The following PDCD4 variants were observed in gnomAD, a reference collection of about 807,000 sequenced individuals.
PDCD4 encodes programmed cell death 4, also known as programmed cell death protein 4.
A neutral mutation model predicts 54.0 loss-of-function variants in PDCD4; 56 were observed. The observed-to-expected ratio is 1.04, with a 90% CI of 0.84 to 1.30. The LOEUF is 1.30. PDCD4 is among the 50% of genes most tolerant of loss of function. PDCD4 has a pLI of 0.00. For synonymous variants in PDCD4, 186 were observed against 194.8 expected, an observed-to-expected ratio of 0.95 and a Z score of 0.37; for missense variants, 584 against 559.8, an observed-to-expected ratio of 1.04 and a Z score of -0.44.
chr10:110,876,648 T>A (rs1363116937), intron 2 of PDCD4: 1 of 781,674 alleles, frequency 1.3e-6, no homozygotes, highest in Non-Finnish European at 1.8e-6. Flanking sequence ...AACAAATAAT[T>A]TTTATATTCT....
rs1044159171 is a variant in PDCD4, at chr10:110,881,604, A to G, written c.346+69A>G. 2.9e-5 allele frequency: 37 copies of G among 1,274,010 alleles called. No homozygotes were observed. In the Middle Eastern group the frequency reaches 5.9e-4, roughly 20 times the overall value. The allele number at this position is 1,274,010 out of a possible 1,614,324, so 78.9% of individuals were successfully genotyped here. On this transcript the variant is annotated intron_variant, in intron 3 of 11. Transcript: ENST00000280154. ...AAAAAAATTGTCTGGTTCTTGTACT[A>G]CACTTTCCTTGTTCTAGGAATGAGA...
chr10:110,883,048 A>C lies in PDCD4; in HGVS notation c.392A>C (p.Tyr131Ser). 1 of 1,600,950 alleles carries C rather than the reference A, an allele frequency of 6.2e-7. No homozygotes were observed. The highest frequency in any genetic ancestry group is 8.5e-7 in the Non-Finnish European group (1 of 1,175,076). Residue 131 changes from tyrosine (Y) to serine (S), a missense_variant, in exon 4 of 12, where the codon TAT (tyrosine) becomes TCT (serine). Physicochemically the swap from Tyr to Ser is moderately radical, Grantham distance 144. Coordinates refer to ENST00000280154, the MANE Select transcript of PDCD4 (RefSeq NM_014456.5). Reference protein sequence around the residue: ...KGVWGTPGQVYDVEEVDVKDP... With the variant: ...KGVWGTPGQVSDVEEVDVKDP... ...GTCTGGGGTACACCTGGACAGGTGT[A>C]TGATGTGGAGGAGGTGGATGTGAAA...
At position 110,890,632 on chromosome 10, in the gene PDCD4, G is replaced by C; in HGVS notation, c.952G>C (p.Gly318Arg). The change falls in exon 8 of 12, where the codon GGA (glycine) becomes CGA (arginine). Residue 318 changes from glycine (G) to arginine (R), a missense_variant. Transcript: ENST00000280154. ...GKRKDSVWGSGGGQQSVNHLV... is the reference protein window; with the variant it reads ...GKRKDSVWGSRGGQQSVNHLV... ...GCGTAAAGATAGTGTGTGGGGCTCT[G>C]GAGGTGGGCAGCAATCTGTCAATCA... 4.3e-6 allele frequency: 7 copies of C among 1,612,868 alleles called. No homozygotes were observed. The highest frequency in any genetic ancestry group is 5.9e-6 in the Non-Finnish European group (7 of 1,179,118).
rs201259173 is a variant in PDCD4, at chr10:110,876,004, C to G, written c.-24C>G. On this transcript the variant is annotated 5_prime_UTR_variant, in exon 2 of 12. It adds an upstream start codon to the 5' untranslated region. Coordinates refer to ENST00000280154, the MANE Select transcript of PDCD4 (RefSeq NM_014456.5). ...ATTTCCATTAGGTAATTTGTTTAAT[C>G]AGTGCAAGCGAAATTAAGGGAAAAT... 34 of 1,573,270 alleles carry G rather than the reference C, an allele frequency of 2.2e-5. No homozygotes were observed. Among genetic ancestry groups the G allele is most frequent in the Non-Finnish European group, 2.6e-5 (30 of 1,153,980 alleles).
Position 110,894,538 on chromosome 10 carries a change from T to G in PDCD4, c.1209+16T>G, listed in dbSNP as rs1845802527. ...AATGAAAAGAGTAAGTATAACATTG[T>G]TTTTGAACAACTTGTAGGATTATGT... On this transcript the variant is annotated intron_variant, in intron 10 of 11. Coordinates refer to ENST00000280154, the MANE Select transcript of PDCD4 (RefSeq NM_014456.5). 6 of 1,049,156 alleles carry G rather than the reference T, an allele frequency of 5.7e-6. No homozygotes were observed. In the East Asian group the frequency reaches 1.4e-4, roughly 25 times the overall value. 65.0% of individuals were successfully genotyped at this position (1,049,156 alleles called of 1,614,324 possible).
intron 8 of PDCD4, 150 bp downstream of exon 8, chr10:110,890,820 C>T (rs1845743920): frequency 4.6e-6 from 2 of 431,072 alleles, no homozygotes; most frequent in African/African-American, 2.0e-5. Flanking sequence ...TAATATGTGG[C>T]TTTATAACCT....
chr10:110,886,229 G>A (rs1267544255), intron 5 of PDCD4, among the ~76,000 whole-genome samples: 1 of 152,154 alleles, frequency 6.6e-6, no homozygotes, highest in African/African-American at 2.4e-5. Context: ...AGTCCTATGA[G>A]GGCAGGGACT....
intron 1 of PDCD4, among the ~76,000 whole-genome samples, chr10:110,873,511 A>G (rs544576184): frequency 2.0e-5 from 3 of 152,338 alleles, no homozygotes; most frequent in East Asian, 1.9e-4. Context: ...TTCTGATTGT[A>G]TATTTCGTGT....
chr10:110,873,984 T>C (rs142693083), intron 1 of PDCD4, among the ~76,000 whole-genome samples: 337 of 152,326 alleles, frequency 2.2e-3, no homozygotes, highest in African/African-American at 7.8e-3. Flanking sequence ...ACAGCAGAAG[T>C]CTGTTTTAAG....
intron 8 of PDCD4, among the ~76,000 whole-genome samples, chr10:110,891,651 T>C (rs572222705): frequency 6.6e-6 from 1 of 152,210 alleles, no homozygotes; most frequent in East Asian, 1.9e-4. Flanking sequence ...GTAAGTCTTT[T>C]AATGAGGTGT....
chr10:110,875,835 T>C (rs368360540), intron 1 of PDCD4, 131 bp from the exon 2 acceptor site: 12 of 437,912 alleles, frequency 2.7e-5, no homozygotes, highest in African/African-American at 2.3e-4. Context: ...GTGAACTGTT[T>C]TATTTAATGG....
Position 110,894,122 on chromosome 10 carries a change from C to T in PDCD4, c.1022C>T (p.Ser341Phe), listed in dbSNP as rs1261901307. The change falls in exon 9 of 12, where the codon TCT (serine) becomes TTT (phenylalanine). Residue 341 changes from serine to phenylalanine, a missense_variant. Physicochemically the swap from Ser to Phe is radical, Grantham distance 155. Transcript: ENST00000280154. ...ATGCTGCTGAAAGAATATTTACTCTCTGGAGACATATCTGAAGCTGAACAT... is the reference window on the plus strand; with the variant it reads ...ATGCTGCTGAAAGAATATTTACTCTTTGGAGACATATCTGAAGCTGAACAT... ...IDMLLKEYLLSGDISEAEHCL... is the reference protein window; with the variant it reads ...IDMLLKEYLLFGDISEAEHCL... The T allele has an allele frequency of 2.5e-6, 4 of 1,606,606 alleles. No individual in the cohort carries two copies. The highest frequency in any genetic ancestry group is 1.3e-5 in the African/African-American group (1 of 74,764).
At chr10:110,882,600 T>C (rs1040936685) in intron 3 of PDCD4, among the ~76,000 whole-genome samples, 3 of 152,176 alleles carry the variant, frequency 2.0e-5, no homozygotes, top group Non-Finnish European at 4.4e-5. Flanking sequence ...GTTAAATAAT[T>C]TTTCCCTTGT....
At chr10:110,893,486 C>T (rs1332923522) in intron 8 of PDCD4, among the ~76,000 whole-genome samples, 2 of 151,444 alleles carry the variant, frequency 1.3e-5, no homozygotes, top group East Asian at 1.9e-4. Context: ...AAAAAGTTCT[C>T]CCACTTTTTT....
intron 2 of PDCD4, among the ~76,000 whole-genome samples, chr10:110,878,725 T>C (rs1437847339): frequency 2.6e-5 from 4 of 152,238 alleles, no homozygotes; most frequent in Admixed American, 1.3e-4. Context: ...TTTCTAGATA[T>C]GTAACTTCTT....
At chr10:110,878,811 G>A (rs1845546377) in intron 2 of PDCD4, among the ~76,000 whole-genome samples, 1 of 152,152 alleles carries the variant, frequency 6.6e-6, no homozygotes, top group African/African-American at 2.4e-5. Context: ...GACCACATAT[G>A]TAAAGTGCCT....
At chr10:110,895,703 A>G (rs1845821208) in intron 10 of PDCD4, among the ~76,000 whole-genome samples, 2 of 152,208 alleles carry the variant, frequency 1.3e-5, no homozygotes, top group Non-Finnish European at 2.9e-5. Flanking sequence ...CCAACAGCGT[A>G]TAAACCTTCC....
At chr10:110,876,622 C>G in intron 2 of PDCD4, 1 of 552,148 alleles carries the variant, frequency 1.8e-6, no homozygotes, top group South Asian at 6.5e-5. Context: ...TTACTGGTAT[C>G]TTTGGTATCT....
chr10:110,889,504 T>A lies in PDCD4; in HGVS notation c.778-29T>A, dbSNP rs766676294. ...CCTATAAAAGTTATTTAACTTTTTT[T>A]ATAGCTCTTTTTTTTTTCCTTTTTA... On this transcript the variant is annotated intron_variant, in intron 6 of 11. Coordinates refer to ENST00000280154, the MANE Select transcript of PDCD4 (RefSeq NM_014456.5). The A allele has an allele frequency of 4.6e-6, 6 of 1,297,722 alleles. No individual in the cohort carries two copies. The Admixed American group carries it at 7.8e-5, about 17-fold the overall frequency. 80.4% of individuals were successfully genotyped at this position (1,297,722 alleles called of 1,614,324 possible).
Sources: gnomAD v4.1 joint callset for allele counts (sites outside exome capture counted in the v4.1 genomes callset) on GRCh38, gnomAD v4.1.1 for gene constraint, MANE v1.5 for transcripts, NCBI Gene and HGNC (gene_info 2026-07-23, HGNC 2026-07-21) for gene names.